The following TAMM41 variants were observed in gnomAD, a reference collection of about 807,000 sequenced individuals.
TAMM41 encodes phosphatidate cytidylyltransferase, mitochondrial.
TAMM41 carries 36 observed loss-of-function variants against 44.1 expected under a neutral mutation model. That is an observed-to-expected ratio of 0.82 (90% confidence interval 0.63 to 1.08). The LOEUF is 1.08. Ranked by LOEUF, TAMM41 falls within the 50% of genes least tolerant of loss-of-function variation. The pLI, the probability that TAMM41 is intolerant of heterozygous loss-of-function variation, is 0.00. For missense variants in TAMM41, 417 were observed against 404.3 expected, an observed-to-expected ratio of 1.03 and a Z score of -0.27; for synonymous variants, 164 against 153.1, an observed-to-expected ratio of 1.07 and a Z score of -0.53.
intron 5 of TAMM41, among the ~76,000 whole-genome samples, chr3:11,812,514 C>T (rs780085954): frequency 6.6e-6 from 1 of 152,080 alleles, no homozygotes; most frequent in Non-Finnish European, 1.5e-5. Context: ...TCCCAGGGAC[C>T]CACTTGGGAA....
In TAMM41 at chr3:11,829,729, C is replaced by T. The variant is rs762688963; in HGVS notation, c.547G>A (p.Gly183Ser). The T allele has an allele frequency of 1.6e-5, 26 of 1,614,070 alleles. No individual in the cohort carries two copies. The highest frequency in any genetic ancestry group is 1.6e-4 in the Middle Eastern group (1 of 6,062). Residue 183 changes from glycine (G) to serine (S), a missense_variant, in exon 4 of 8, where the codon GGT becomes AGT. Gly to Ser is a moderately conservative substitution (Grantham distance 56). Transcript: ENST00000455809. ...CCATACTAACCTGAATAGGAGAGAC[C>T]GGCAATCTCTATGAAGAGGTCTTCT... ...SEEDLFIEIA[G>S]LSYSGDFRMV...
At chr3:11,788,682 T>TCGG (rs2077431327), downstream of TAMM41, among the ~76,000 whole-genome samples, 1 of 152,160 alleles carries the variant, frequency 6.6e-6, no homozygotes, top group Non-Finnish European at 1.5e-5. Flanking sequence ...ACGCCTGTAA[T>TCGG]CCCAGCACTT....
the TAMM41 span, among the ~76,000 whole-genome samples, chr3:11,727,783 A>T: frequency 3.4e-5 from 5 of 145,870 alleles, no homozygotes; most frequent in Non-Finnish European, 6.0e-5. Flanking sequence ...TTTTTTTCTA[A>T]TTTAATTTTT....
chr3:11,804,833 T>C (rs1478177333), intron 7 of TAMM41, among the ~76,000 whole-genome samples: 1 of 151,936 alleles, frequency 6.6e-6, no homozygotes, highest in Non-Finnish European at 1.5e-5. Flanking sequence ...ACTAAGTCTT[T>C]GTTGAAACTT....
At chr3:11,756,937 AT>A in the TAMM41 span, among the ~76,000 whole-genome samples, 1 of 152,124 alleles carries the variant, frequency 6.6e-6, no homozygotes, top group African/African-American at 2.4e-5. Context: ...AATGGACTCC[AT>A]TTCCTGTCAG....
the TAMM41 span, among the ~76,000 whole-genome samples, chr3:11,734,666 A>G: frequency 5.3e-5 from 8 of 152,202 alleles, no homozygotes; most frequent in Non-Finnish European, 1.2e-4. Context: ...ACTCATGATT[A>G]GCAGGGAAGA....
intron 5 of TAMM41, 27 bp downstream of exon 5, chr3:11,817,165 T>C: frequency 6.3e-7 from 1 of 1,598,560 alleles, no homozygotes; most frequent in Non-Finnish European, 8.6e-7. Context: ...TTAGAAACAA[T>C]ACAAGCTATT....
At chr3:11,745,885 G>A in the TAMM41 span, among the ~76,000 whole-genome samples, 1 of 152,176 alleles carries the variant, frequency 6.6e-6, no homozygotes, top group East Asian at 1.9e-4. Context: ...GTAAACTACA[G>A]TTAATTACCA....
chr3:11,747,720 T>C, the TAMM41 span, among the ~76,000 whole-genome samples: 4 of 151,840 alleles, frequency 2.6e-5, no homozygotes, highest in Non-Finnish European at 4.4e-5. Flanking sequence ...GTGCTATTAT[T>C]GTGCCACTGT....
At chr3:11,824,867 T>C (rs1395878762) in intron 4 of TAMM41, among the ~76,000 whole-genome samples, 1 of 152,008 alleles carries the variant, frequency 6.6e-6, no homozygotes, top group Admixed American at 6.6e-5. Flanking sequence ...GAAAGTGCTA[T>C]GGGGAAAACA....
At chr3:11,829,242 T>C (rs1323401640) in intron 4 of TAMM41, among the ~76,000 whole-genome samples, 1 of 152,116 alleles carries the variant, frequency 6.6e-6, no homozygotes, top group Non-Finnish European at 1.5e-5. Flanking sequence ...AAATAAAAAT[T>C]ATTGGGCCCT....
chr3:11,807,350 C>A, intron 7 of TAMM41: 1 of 1,475,156 alleles, frequency 6.8e-7, no homozygotes, highest in South Asian at 1.4e-5. Context: ...TCTAACCTCC[C>A]ATAGAGAGAA....
intron 7 of TAMM41, among the ~76,000 whole-genome samples, chr3:11,803,025 A>C (rs761106761): frequency 2.6e-5 from 4 of 152,260 alleles, no homozygotes; most frequent in Non-Finnish European, 5.9e-5. Flanking sequence ...TAATCCCAGC[A>C]CTTTGGGAGG....
chr3:11,748,019 C>T, the TAMM41 span, among the ~76,000 whole-genome samples: 19 of 150,982 alleles, frequency 1.3e-4, no homozygotes, highest in African/African-American at 3.6e-4. Context: ...GGACTACAGG[C>T]GCACACCACT....
chr3:11,811,020 G>C (rs1169178266), intron 5 of TAMM41: 1 of 152,178 alleles, frequency 6.6e-6, no homozygotes, highest in African/African-American at 2.4e-5. Context: ...GCTACGATGA[G>C]TGGTGATTGT....
intron 7 of TAMM41, among the ~76,000 whole-genome samples, chr3:11,796,038 T>G (rs561010699): frequency 6.6e-6 from 1 of 152,228 alleles, no homozygotes; most frequent in South Asian, 2.1e-4. Flanking sequence ...AGGAAAACAG[T>G]GTTTGGTTTT....
At chr3:11,839,738 G>A (rs1189626152) in intron 2 of TAMM41, among the ~76,000 whole-genome samples, 1 of 152,188 alleles carries the variant, frequency 6.6e-6, no homozygotes, top group Admixed American at 6.5e-5. Flanking sequence ...CCAGTCCAGA[G>A]CTGAAATCCC....
intron 7 of TAMM41, among the ~76,000 whole-genome samples, chr3:11,803,152 G>A (rs758556865): frequency 1.2e-4 from 18 of 152,138 alleles, no homozygotes; most frequent in Admixed American, 2.0e-4. Context: ...CATGCCTGTA[G>A]TCCCAGCTAC....
intron 6 of TAMM41, 147 bp from the exon 7 acceptor site, chr3:11,808,042 A>G (rs967862012): frequency 1.4e-6 from 2 of 1,397,892 alleles, no homozygotes; most frequent in African/African-American, 2.9e-5. Context: ...CACAGTGACA[A>G]TGAAAAGGGC....
Sources: gnomAD v4.1 joint callset for allele counts (sites outside exome capture counted in the v4.1 genomes callset) on GRCh38, gnomAD v4.1.1 for gene constraint, MANE v1.5 for transcripts, NCBI Gene and HGNC (gene_info 2026-07-23, HGNC 2026-07-21) for gene names.